Variants in YAF2 observed in about 807,000 individuals in gnomAD.
YAF2 encodes the protein YY1-associated factor 2.
YAF2 carries 7 observed loss-of-function variants against 20.1 expected under a neutral mutation model. The observed-to-expected ratio is 0.35, with a 90% confidence interval of 0.20 to 0.65. The LOEUF (loss-of-function observed/expected upper bound fraction) is 0.65. Ranked by LOEUF, YAF2 falls within the 30% of genes least tolerant of loss-of-function variation. The probability of loss-of-function intolerance (pLI) is 0.69; values close to 1 mark genes in which losing one functional copy is unlikely to be tolerated. For synonymous variants in YAF2, 74 were observed against 76.0 expected, an observed-to-expected ratio of 0.97 and a Z score of 0.14; for missense variants, 151 against 219.2, an observed-to-expected ratio of 0.69 and a Z score of 1.96.
At chr12:42,228,030 G>GC (rs542246248) in intron 2 of YAF2, among the ~76,000 whole-genome samples, 4,801 of 113,102 alleles carry the variant, frequency 0.042, 178 homozygotes, top group Non-Finnish European at 0.052. Flanking sequence ...TGGGGGGTCA[G>GC]CCCTCCGCCC....
chr12:42,223,998 A>T (rs2067605102), intron 2 of YAF2, among the ~76,000 whole-genome samples: 1 of 152,150 alleles, frequency 6.6e-6, no homozygotes, highest in Admixed American at 6.6e-5. Flanking sequence ...TCTATGTAAC[A>T]AATCTTCAAG....
At chr12:42,192,500 C>A (rs771230365) in intron 2 of YAF2, among the ~76,000 whole-genome samples, 35 of 152,180 alleles carry the variant, frequency 2.3e-4, no homozygotes, top group African/African-American at 7.7e-4. Context: ...CACAGTGAGA[C>A]CCTGTCTCAA....
chr12:42,193,144 GTC>G (rs907702818), intron 2 of YAF2, among the ~76,000 whole-genome samples: 9 of 151,984 alleles, frequency 5.9e-5, no homozygotes, highest in Non-Finnish European at 8.8e-5. Flanking sequence ...GTGAAACCCT[GTC>G]TCTCCTAAAA....
At chr12:42,189,474 G>A (rs2066558101) in intron 2 of YAF2, among the ~76,000 whole-genome samples, 1 of 152,162 alleles carries the variant, frequency 6.6e-6, no homozygotes, top group Admixed American at 6.5e-5. Context: ...CGATTACAAT[G>A]CAAGGGCATC....
intron 2 of YAF2, among the ~76,000 whole-genome samples, chr12:42,165,769 C>A (rs1279679447): frequency 1.4e-5 from 2 of 140,362 alleles, no homozygotes; most frequent in Non-Finnish European, 3.0e-5. Flanking sequence ...CTGCGCCCGG[C>A]CAGGTTTTTT....
At chr12:42,206,974 TTC>T (rs1170136463) in intron 2 of YAF2, among the ~76,000 whole-genome samples, 4 of 152,058 alleles carry the variant, frequency 2.6e-5, no homozygotes, top group East Asian at 1.9e-4. Context: ...TTTACCTTTT[TTC>T]TCTCTCTCTC....
At chr12:42,235,540 G>A in intron 2 of YAF2, 1 of 1,347,698 alleles carries the variant, frequency 7.4e-7, no homozygotes, top group African/African-American at 1.5e-5. Flanking sequence ...TTAACTTAGA[G>A]CCAAAATCAA....
chr12:42,179,488 T>C (rs1162562388), intron 2 of YAF2, among the ~76,000 whole-genome samples: 1 of 152,046 alleles, frequency 6.6e-6, no homozygotes, highest in Non-Finnish European at 1.5e-5. Flanking sequence ...CAATGTGCAA[T>C]GAGAGTTGGG....
chr12:42,222,400 A>G (rs1025966699), intron 2 of YAF2, among the ~76,000 whole-genome samples: 1 of 152,186 alleles, frequency 6.6e-6, no homozygotes, highest in African/African-American at 2.4e-5. Flanking sequence ...AAGACAAATG[A>G]GTGAAAAGAT....
intron 2 of YAF2, among the ~76,000 whole-genome samples, chr12:42,230,564 G>C (rs901338502): frequency 3.3e-5 from 5 of 152,134 alleles, no homozygotes; most frequent in African/African-American, 9.7e-5. Context: ...TTCCAAAGGA[G>C]AGACCAATTT....
chr12:42,168,497 T>A (rs1348360761), intron 2 of YAF2, among the ~76,000 whole-genome samples: 1 of 152,100 alleles, frequency 6.6e-6, no homozygotes, highest in Non-Finnish European at 1.5e-5. Flanking sequence ...ACAGAAATTT[T>A]ATGTCATAAA....
At chr12:42,188,122 G>C (rs975302058) in intron 2 of YAF2, among the ~76,000 whole-genome samples, 1 of 152,070 alleles carries the variant, frequency 6.6e-6, no homozygotes, top group African/African-American at 2.4e-5. Flanking sequence ...TAAATGTTTT[G>C]GAGTAGTTTG....
intron 2 of YAF2, among the ~76,000 whole-genome samples, chr12:42,228,580 G>A (rs1247208892): frequency 6.7e-5 from 5 of 74,778 alleles, no homozygotes; most frequent in African/African-American, 1.7e-4. Flanking sequence ...CCCTCTGCCC[G>A]GCCAGCCGCC....
chr12:42,161,543 T>C, intron 3 of YAF2, 70 bp downstream of exon 3: 3 of 1,460,104 alleles, frequency 2.1e-6, no homozygotes, highest in Non-Finnish European at 2.7e-6. Flanking sequence ...TGTATATTAG[T>C]ATGTCAAGGT....
intron 2 of YAF2, among the ~76,000 whole-genome samples, chr12:42,178,858 C>A (rs1042605535): frequency 6.6e-6 from 1 of 151,844 alleles, no homozygotes; most frequent in South Asian, 2.1e-4. Context: ...AACACCCTGG[C>A]GACATATTGG....
rs529702417 is a variant in YAF2, at chr12:42,235,898, C to T, written c.152+1701G>A. ...GTGCCAGGTATTCAGCCTGTTTCTT[C>T]TCTTCTGAGCTGCCACCACCTACTC... On this transcript the variant is annotated intron_variant, in intron 2 of 3. Transcript: ENST00000534854. The T allele has an allele frequency of 3.9e-4, 604 of 1,536,116 alleles. 2 individuals carry two copies. The highest frequency in any genetic ancestry group is 8.0e-4 in the South Asian group (67 of 84,062).
intron 2 of YAF2, among the ~76,000 whole-genome samples, chr12:42,205,352 T>C (rs1232167396): frequency 6.6e-6 from 1 of 151,988 alleles, no homozygotes; most frequent in East Asian, 1.9e-4. Context: ...GATCACGACA[T>C]TGTTTTTCTT....
At chr12:42,204,612 T>C (rs528174040) in intron 2 of YAF2, among the ~76,000 whole-genome samples, 1 of 152,314 alleles carries the variant, frequency 6.6e-6, no homozygotes, top group South Asian at 2.1e-4. Context: ...CACAGGACTA[T>C]AATAGTTCAC....
At chr12:42,234,575 G>T (rs2068085838) in intron 2 of YAF2, 5 of 985,294 alleles carry the variant, frequency 5.1e-6, no homozygotes, top group Non-Finnish European at 6.0e-6. Flanking sequence ...TGCCATGAAT[G>T]TAACTTCGTT....
Sources: gnomAD v4.1 joint callset for allele counts (sites outside exome capture counted in the v4.1 genomes callset) on GRCh38, gnomAD v4.1.1 for gene constraint, MANE v1.5 for transcripts, NCBI Gene and HGNC (gene_info 2026-07-23, HGNC 2026-07-21) for gene names.